The following TNNT3 variants were observed in gnomAD, a reference collection of about 807,000 sequenced individuals.
TNNT3 encodes troponin T3, fast skeletal type, also known as troponin T, fast skeletal muscle.
Under a neutral mutation model 54.2 loss-of-function variants are expected in TNNT3, and 36 were observed. That is an observed-to-expected ratio of 0.66 (90% CI 0.51 to 0.88). TNNT3 has a LOEUF of 0.88. Ranked by LOEUF, TNNT3 falls within the 40% of genes least tolerant of loss-of-function variation. The probability of loss-of-function intolerance (pLI) is 0.00; values close to 1 mark genes in which losing one functional copy is unlikely to be tolerated. For missense variants in TNNT3, 291 were observed against 331.6 expected, an observed-to-expected ratio of 0.88 and a Z score of 0.95; for synonymous variants, 120 against 109.7, an observed-to-expected ratio of 1.09 and a Z score of -0.59.
chr11:1,927,467 C>T (rs1414132418), intron 6 of TNNT3, among the ~76,000 whole-genome samples: 1 of 152,070 alleles, frequency 6.6e-6, no homozygotes, highest in African/African-American at 2.4e-5. Context: ...GGGGCTCCTC[C>T]CTGCCGGGCC....
chr11:1,933,719 A>G lies in TNNT3; in HGVS notation c.172-2A>G. ...GCTCACACCCACTGCCCCTGCCCAC[A>G]GGACATCCAGAAGAAGCGTCAGAAC... On this transcript the variant is annotated splice_acceptor_variant, in intron 9 of 15. Transcript: ENST00000278317. LOFTEE classifies it high-confidence loss of function. The G allele has an allele frequency of 6.2e-7, 1 of 1,612,442 alleles. No homozygotes were observed. Among genetic ancestry groups the G allele is most frequent in the Non-Finnish European group, 8.5e-7 (1 of 1,179,470 alleles).
rs764592752 is a variant in TNNT3 at position 1,926,728 on chromosome 11, G to T, written c.82+19G>T. ...CAAGAAGGTACGCCGGCGCTCCCCC[G>T]CCTCCAGGCCAGAGTCTCCGTCCTC... is the stretch of plus-strand genomic sequence containing the variant. On this transcript the variant is annotated intron_variant, in intron 6 of 15. Transcript: ENST00000278317. The T allele has an allele frequency of 3.7e-6, 6 of 1,613,128 alleles. No homozygotes were observed. Among genetic ancestry groups the T allele is most frequent in the Admixed American group, 3.3e-5 (2 of 60,024 alleles).
chr11:1,932,423 T>G lies in TNNT3; in HGVS notation c.126-46T>G, dbSNP rs199535618. The G allele has an allele frequency of 3.4e-4, 549 of 1,592,716 alleles. 1 individual carries two copies. The highest frequency in any genetic ancestry group is 4.2e-4 in the Non-Finnish European group (483 of 1,161,952). ...AAAGCGCCAGGCTGACCCTCTGGGG[T>G]GGGTCTCCGGGTCTCTGCTCACGGG... is the stretch of plus-strand genomic sequence containing the variant. On this transcript the variant is annotated intron_variant, in intron 8 of 15. Coordinates refer to ENST00000278317, the MANE Select transcript of TNNT3 (RefSeq NM_006757.4).
intron 11 of TNNT3, 63 bp from the exon 12 acceptor site, chr11:1,934,269 G>T: frequency 6.6e-7 from 1 of 1,505,980 alleles, no homozygotes; most frequent in Non-Finnish European, 9.2e-7. Context: ...GGTCCCTAAA[G>T]CCTGCCCAGA....
Position 1,925,185 on chromosome 11 carries a change from C to A in TNNT3, c.67+69C>A. The A allele has an allele frequency of 1.9e-6, 3 of 1,598,040 alleles. No individual in the cohort carries two copies. The East Asian group carries it at 6.7e-5, about 36-fold the overall frequency. On this transcript the variant is annotated intron_variant, in intron 5 of 15. Coordinates refer to ENST00000278317, the MANE Select transcript of TNNT3 (RefSeq NM_006757.4). The stretch of plus-strand genomic sequence containing the variant: ...CCTTCCCGCCCCACCCAAAGTTGAC[C>A]TCCACCCCGCCTCTAAGGATTGCTG...
At chr11:1,932,579 G>A in intron 9 of TNNT3, 65 bp downstream of exon 9, 1 of 1,530,936 alleles carries the variant, frequency 6.5e-7, no homozygotes. Context: ...TTGGGCTCTA[G>A]GCCTCAGAAG....
chr11:1,932,220 G>A (rs1297325626), intron 8 of TNNT3, among the ~76,000 whole-genome samples: 1 of 152,270 alleles, frequency 6.6e-6, no homozygotes, highest in African/African-American at 2.4e-5. Flanking sequence ...ATGGCCAGAA[G>A]CCAAAAGGCA....
rs1589994772 is a variant in TNNT3, at chr11:1,934,860, C to T, written c.622C>T (p.His208Tyr). 1.2e-6 allele frequency: 2 copies of T among 1,613,650 alleles called. No individual in the cohort carries two copies. Among genetic ancestry groups the T allele is most frequent in the Non-Finnish European group, 1.7e-6 (2 of 1,180,034 alleles). The change falls in exon 14 of 16, where the codon CAC (histidine) becomes TAC (tyrosine). Residue 208 changes from histidine to tyrosine, a missense_variant. His to Tyr is a moderately conservative substitution (Grantham distance 83, BLOSUM62 2). Coordinates refer to ENST00000278317, the MANE Select transcript of TNNT3 (RefSeq NM_006757.4). ...GGCCAAGGAGCTCTGGGAGACCCTGCACCAGCTGGAGATTGACAAGTTCGA... is the reference window on the plus strand; with the variant it reads ...GGCCAAGGAGCTCTGGGAGACCCTGTACCAGCTGGAGATTGACAAGTTCGA... ...DKAKELWETLHQLEIDKFEFG... is the reference protein window; with the variant it reads ...DKAKELWETLYQLEIDKFEFG...
chr11:1,933,623 G>C (rs1453868225), intron 9 of TNNT3, 98 bp from the exon 10 acceptor site: 1 of 934,310 alleles, frequency 1.1e-6, no homozygotes, highest in African/African-American at 1.6e-5. Context: ...GGGCTTCTCT[G>C]CTGGGGCAAA....
rs370463417 is a variant in TNNT3, at chr11:1,936,287, G to A, written c.682-676G>A. The stretch of plus-strand genomic sequence containing the variant: ...GCCGGGTCCGCCCTGGGCCAGGCCC[G>A]TGGGTGTGCGTTGCACGGTGAGGTG... On this transcript the variant is annotated intron_variant, in intron 14 of 15. Transcript: ENST00000278317. The A allele has an allele frequency of 6.2e-5, 100 of 1,611,248 alleles. 2 individuals carry two copies. In the South Asian group the frequency reaches 8.6e-4, roughly 14 times the overall value.
intron 5 of TNNT3, chr11:1,926,476 A>G (rs199976314): frequency 1.3e-4 from 203 of 1,613,104 alleles, no homozygotes; most frequent in Non-Finnish European, 5.1e-6. Flanking sequence ...GAAGTTCATG[A>G]ACCAGGTACG....
chr11:1,931,089 A>G (rs1853226410), intron 8 of TNNT3, among the ~76,000 whole-genome samples: 1 of 152,190 alleles, frequency 6.6e-6, no homozygotes, highest in East Asian at 1.9e-4. Flanking sequence ...TTTAAAATTT[A>G]GCACTATTCA....
chr11:1,922,475 G>C (rs1850324355), intron 1 of TNNT3, among the ~76,000 whole-genome samples: 1 of 152,162 alleles, frequency 6.6e-6, no homozygotes, highest in South Asian at 2.1e-4. Context: ...CCAGTGTCTA[G>C]AGCGGGCTGG....
chr11:1,924,791 A>G, intron 4 of TNNT3: 1 of 574,528 alleles, frequency 1.7e-6, no homozygotes, highest in Non-Finnish European at 3.1e-6. Context: ...CCCCGTGCAC[A>G]GGCGCCTCCA....
At chr11:1,937,152 C>T (rs930427326) in intron 15 of TNNT3, 149 bp downstream of exon 15, 7 of 862,086 alleles carry the variant, frequency 8.1e-6, no homozygotes, top group East Asian at 2.6e-5. Flanking sequence ...GGCCAGCATG[C>T]GCAGGCCTGT....
chr11:1,926,751 C>G, intron 6 of TNNT3, 42 bp downstream of exon 6: 2 of 1,612,360 alleles, frequency 1.2e-6, no homozygotes, highest in Non-Finnish European at 1.7e-6. Flanking sequence ...AGTCTCCGTC[C>G]TCCCTTCTGT....
chr11:1,926,775 C>T, intron 6 of TNNT3, 66 bp downstream of exon 6: 1 of 1,601,846 alleles, frequency 6.2e-7, no homozygotes, highest in Non-Finnish European at 8.5e-7. Context: ...CTCTTGCTTC[C>T]TCCCTCTTGC....
rs764592752 is a variant in TNNT3 at position 1,926,728 on chromosome 11, G to A, written c.82+19G>A. On this transcript the variant is annotated intron_variant, in intron 6 of 15. Coordinates refer to ENST00000278317, the MANE Select transcript of TNNT3 (RefSeq NM_006757.4). ...CAAGAAGGTACGCCGGCGCTCCCCC[G>A]CCTCCAGGCCAGAGTCTCCGTCCTC... 1.9e-5 allele frequency: 31 copies of A among 1,613,010 alleles called. No homozygotes were observed. Among genetic ancestry groups the A allele is most frequent in the African/African-American group, 5.3e-5 (4 of 74,920 alleles).
At chr11:1,921,019 T>A (rs188775019) in intron 1 of TNNT3, among the ~76,000 whole-genome samples, 184 of 152,040 alleles carry the variant, frequency 1.2e-3, no homozygotes, top group Non-Finnish European at 2.2e-3. Flanking sequence ...CTGAGGGTGT[T>A]GGGGCACCCA....
Sources: gnomAD v4.1 joint callset for allele counts (sites outside exome capture counted in the v4.1 genomes callset) on GRCh38, gnomAD v4.1.1 for gene constraint, MANE v1.5 for transcripts, NCBI Gene and HGNC (gene_info 2026-07-23, HGNC 2026-07-21) for gene names.